WDR26: variants seen among roughly 807,000 people sequenced by gnomAD.
WDR26 encodes the protein WD repeat-containing protein 26.
WDR26 carries 5 observed loss-of-function variants against 84.1 expected under a neutral mutation model. That is an observed-to-expected ratio of 0.06 (90% CI 0.03 to 0.13). The LOEUF (loss-of-function observed/expected upper bound fraction) is 0.13. WDR26 is among the 10% of genes least tolerant of loss of function. The pLI, the probability that WDR26 is intolerant of heterozygous loss-of-function variation, is 1.00. For missense variants in WDR26, 642 were observed against 974.9 expected (o/e 0.66, Z 4.55); for synonymous variants, 415 against 389.6 (o/e 1.07, Z -0.77).
intron 5 of WDR26, 171 bp downstream of exon 5, chr1:224,419,347 T>A: frequency 3.4e-6 from 2 of 583,126 alleles, no homozygotes; most frequent in Non-Finnish European, 3.1e-6. Context: ...CACTGACTCC[T>A]GAGGTTAGCT....
In WDR26 at chr1:224,431,544, T is replaced by C. The variant is rs769278442; in HGVS notation, c.860A>G (p.His287Arg). The change falls in exon 3 of 14, where the codon CAT becomes CGT. Residue 287 changes from histidine to arginine, a missense_variant. Around this residue, in one of 2 missense-constraint regions of WDR26, gnomAD observed 351 missense variants for 672.8 expected, o/e 0.52. Transcript: ENST00000414423. ...TCTTACCACAATAGCATGAGGAGAA[T>C]GCACTAAAGGCTTTAGTTCATTCAG... The C allele has an allele frequency of 1.2e-6, 2 of 1,614,072 alleles. No homozygotes were observed. Among genetic ancestry groups the C allele is most frequent in the Non-Finnish European group, 1.7e-6 (2 of 1,179,978 alleles).
rs752907046 is a variant in WDR26 at position 224,401,056 on chromosome 1, C to T, written c.1613G>A (p.Arg538Lys). ...TTCATGAGACTGGCTCATTTTTGTC[C>T]TTAGTTCTCCTGTCTATAAGGAAAT... The change falls in exon 9 of 14, where the codon AGG (arginine) becomes AAG (lysine). Residue 538 changes from arginine to lysine, a missense_variant. By Grantham distance (26) the Arg-to-Lys change is conservative. This residue lies in a region of WDR26 where 351 missense variants were observed against 672.8 expected (regional missense o/e 0.52). Coordinates refer to ENST00000414423, the MANE Select transcript of WDR26 (RefSeq NM_001379403.1). 2 of 1,613,694 alleles carry T rather than the reference C, an allele frequency of 1.2e-6. No individual in the cohort carries two copies. Among genetic ancestry groups the T allele is most frequent in the South Asian group, 1.1e-5 (1 of 91,072 alleles).
At chr1:224,399,073 C>T in intron 9 of WDR26, 39 bp from the exon 10 acceptor site, 2 of 1,449,838 alleles carry the variant, frequency 1.4e-6, no homozygotes, top group South Asian at 3.2e-5. Context: ...CATTACTCAA[C>T]AGCACTCAGA....
chr1:224,399,095 G>A, intron 9 of WDR26, 61 bp from the exon 10 acceptor site: 2 of 1,384,642 alleles, frequency 1.4e-6, no homozygotes, highest in Non-Finnish European at 1.9e-6. Context: ...AGCAAATAAA[G>A]AACCAAAAGA....
At chr1:224,431,429 C>T (rs778443500) in intron 3 of WDR26, 48 bp downstream of exon 3, 2 of 1,543,006 alleles carry the variant, frequency 1.3e-6, no homozygotes, top group Non-Finnish European at 1.8e-6. Flanking sequence ...TATCAATAAC[C>T]TACTAAAATA....
intron 11 of WDR26, 98 bp from the exon 12 acceptor site, chr1:224,398,324 AT>A: frequency 6.9e-7 from 1 of 1,454,870 alleles, no homozygotes; most frequent in Non-Finnish European, 9.2e-7. Context: ...AAATATCTTC[AT>A]TTTCTATTAT....
chr1:224,434,714 G>C lies in WDR26; in HGVS notation c.-309C>G. On this transcript the variant is annotated 5_prime_UTR_variant, in exon 1 of 14. Transcript: ENST00000414423. ...GCGGCGGCGGCGGCGGCGGGCGGCA[G>C]CGGAGGCAGCTGCCGCCTCTGTCCT... 1 of 970,922 alleles carries C rather than the reference G, an allele frequency of 1.0e-6. No homozygotes were observed. The highest frequency in any genetic ancestry group is 5.3e-4 in the Middle Eastern group (1 of 1,898). 60.1% of individuals were successfully genotyped at this position (970,922 alleles called of 1,614,324 possible).
At chr1:224,429,598 C>T (rs1196914611) in intron 3 of WDR26, 1 of 152,130 alleles carries the variant, frequency 6.6e-6, no homozygotes, top group Non-Finnish European at 1.5e-5. Flanking sequence ...GCAATTGATT[C>T]ATCAATGCTT....
rs556217029 is a variant in WDR26 at position 224,424,493 on chromosome 1, G to C, written c.1064+25C>G. 4 of 1,611,340 alleles carry C rather than the reference G, an allele frequency of 2.5e-6. No individual in the cohort carries two copies. In the African/African-American group the frequency reaches 5.3e-5, roughly 22 times the overall value. The stretch of plus-strand genomic sequence containing the variant: ...TATAACTTTGGCCCTCCATTAACCT[G>C]AGTTCAAGAACTCAGTTTCCTTACC... On this transcript the variant is annotated intron_variant, in intron 4 of 13. Coordinates refer to ENST00000414423, the MANE Select transcript of WDR26 (RefSeq NM_001379403.1).
At chr1:224,397,782 TA>T (rs1402277180) in intron 12 of WDR26, 1 of 227,602 alleles carries the variant, frequency 4.4e-6, no homozygotes, top group Non-Finnish European at 8.5e-6. Context: ...ATAATTTAAC[TA>T]AATCTTGATT....
At chr1:224,410,332 T>C (rs1474425716) in intron 7 of WDR26, among the ~76,000 whole-genome samples, 4 of 150,846 alleles carry the variant, frequency 2.7e-5, no homozygotes, top group Non-Finnish European at 5.9e-5. Context: ...AAGAAGTTTA[T>C]TTTAGGTGAA....
chr1:224,400,046 T>C (rs1673368510), intron 9 of WDR26, among the ~76,000 whole-genome samples: 1 of 152,310 alleles, frequency 6.6e-6, no homozygotes, highest in Non-Finnish European at 1.5e-5. Flanking sequence ...ACACAGAATC[T>C]AGACTACACT....
chr1:224,387,672 T>C lies in WDR26; in HGVS notation c.*2163A>G, dbSNP rs1448397464. The C allele has an allele frequency of 1.3e-5, 2 of 152,578 alleles. No homozygotes were observed. The highest frequency in any genetic ancestry group is 4.8e-5 in the African/African-American group (2 of 41,446). 9.5% of individuals were successfully genotyped at this position (152,578 alleles called of 1,614,324 possible). On this transcript the variant is annotated 3_prime_UTR_variant, in exon 14 of 14. Coordinates refer to ENST00000414423, the MANE Select transcript of WDR26 (RefSeq NM_001379403.1). ...AAATCTGAGTGTTACAAATGCACCG[T>C]AGCACACTGTAACCAAATTTGTAAA...
chr1:224,423,244 T>A (rs923699656), intron 4 of WDR26, among the ~76,000 whole-genome samples: 2 of 152,218 alleles, frequency 1.3e-5, no homozygotes, highest in African/African-American at 4.8e-5. Flanking sequence ...TTTTCTTGCC[T>A]AATTTCCTTG....
chr1:224,407,151 A>AAAAAAAAAATATATATAT, intron 7 of WDR26, among the ~76,000 whole-genome samples: 2 of 11,876 alleles, frequency 1.7e-4, no homozygotes, highest in Non-Finnish European at 2.8e-4. Flanking sequence ...AAAAAAAAAA[A>AAAAAAAAAATATATATAT]ATATATATAT....
intron 13 of WDR26, among the ~76,000 whole-genome samples, chr1:224,393,010 G>A (rs1225255282): frequency 6.6e-6 from 1 of 152,116 alleles, no homozygotes; most frequent in Admixed American, 6.5e-5. Context: ...ATTTAAGAGA[G>A]TCATTTACAT....
chr1:224,419,852 A>G (rs1160714468), intron 4 of WDR26, among the ~76,000 whole-genome samples: 1 of 137,280 alleles, frequency 7.3e-6, no homozygotes, highest in Non-Finnish European at 1.6e-5. Flanking sequence ...TTATTGTTAT[A>G]TATTATATAT....
At chr1:224,408,707 T>C (rs1673651216) in intron 7 of WDR26, among the ~76,000 whole-genome samples, 1 of 151,236 alleles carries the variant, frequency 6.6e-6, no homozygotes, top group Non-Finnish European at 1.5e-5. Context: ...GCCACTTTCC[T>C]GTTGTCCACC....
chr1:224,414,437 C>T (rs1415017460), intron 6 of WDR26, among the ~76,000 whole-genome samples: 5 of 151,956 alleles, frequency 3.3e-5, no homozygotes, highest in Admixed American at 1.3e-4. Context: ...TAAACCTTTT[C>T]AATGTACATC....
Sources: gnomAD v4.1 joint callset for allele counts (sites outside exome capture counted in the v4.1 genomes callset) on GRCh38, gnomAD v4.1.1 for gene constraint, gnomAD v4.1.1 regional missense constraint, MANE v1.5 for transcripts, NCBI Gene and HGNC (gene_info 2026-07-23, HGNC 2026-07-21) for gene names.